Variants in EPM2A observed in about 807,000 individuals in gnomAD.
EPM2A encodes the protein laforin.
EPM2A carries 21 observed loss-of-function variants against 26.5 expected under a neutral mutation model. The observed-to-expected ratio is 0.79, with a 90% CI of 0.56 to 1.14. The LOEUF (loss-of-function observed/expected upper bound fraction) is 1.14, where lower values mean the gene tolerates loss of function less well. Ranked by LOEUF, EPM2A falls within the 50% of genes most tolerant of loss-of-function variation. The pLI is 0.00. For missense variants in EPM2A, 458 were observed against 440.8 expected (o/e 1.04, Z -0.35); for synonymous variants, 217 against 177.6 (o/e 1.22, Z -1.76).
At chr6:145,667,394 G>A (rs1248537746) in intron 2 of EPM2A, among the ~76,000 whole-genome samples, 1 of 146,058 alleles carries the variant, frequency 6.8e-6, no homozygotes, top group Admixed American at 6.7e-5. Context: ...TATTTATGCA[G>A]CCAAAAAACA....
intron 2 of EPM2A, among the ~76,000 whole-genome samples, chr6:145,513,357 C>G (rs1340949821): frequency 2.0e-5 from 3 of 151,976 alleles, no homozygotes; most frequent in Non-Finnish European, 4.4e-5. Flanking sequence ...ACCAAGATAC[C>G]ATGTTACATC....
At chr6:145,535,617 AAT>A (rs1221181164) in intron 2 of EPM2A, among the ~76,000 whole-genome samples, 29 of 152,210 alleles carry the variant, frequency 1.9e-4, no homozygotes, top group African/African-American at 6.3e-4. Flanking sequence ...CAGAGCCAAT[AAT>A]AAGCAAATAA....
chr6:145,645,330 CA>C (rs1777380213), intron 2 of EPM2A, among the ~76,000 whole-genome samples: 1 of 152,206 alleles, frequency 6.6e-6, no homozygotes, highest in African/African-American at 2.4e-5. Context: ...TGTTATGAGA[CA>C]GGGGTCCCTT....
chr6:145,733,083 C>T (rs1432398404), intron 1 of EPM2A, among the ~76,000 whole-genome samples: 1 of 152,066 alleles, frequency 6.6e-6, no homozygotes, highest in African/African-American at 2.4e-5. Flanking sequence ...AACAAGAAGG[C>T]ACTGTAACAA....
At chr6:145,545,651 C>T (rs1367774235) in intron 2 of EPM2A, among the ~76,000 whole-genome samples, 2 of 152,108 alleles carry the variant, frequency 1.3e-5, no homozygotes, top group Admixed American at 6.5e-5. Flanking sequence ...CTCCTCTCCC[C>T]ATCCACCTTA....
chr6:145,526,164 GC>G (rs1425491577), intron 2 of EPM2A, among the ~76,000 whole-genome samples: 7 of 152,012 alleles, frequency 4.6e-5, no homozygotes, highest in African/African-American at 7.2e-5. Context: ...TATTGAATTA[GC>G]TTTTTGATGT....
intron 4 of EPM2A, among the ~76,000 whole-genome samples, chr6:145,486,898 G>T (rs1779685114): frequency 6.6e-6 from 1 of 151,982 alleles, no homozygotes; most frequent in South Asian, 2.1e-4. Flanking sequence ...TGTTATATAG[G>T]TAAACATGTG....
intron 4 of EPM2A, among the ~76,000 whole-genome samples, chr6:145,428,074 A>G (rs182322014): frequency 2.4e-3 from 278 of 115,072 alleles, no homozygotes; most frequent in African/African-American, 9.4e-3. Flanking sequence ...TTGTGTTGAT[A>G]GTTTTTTTTT....
intron 2 of EPM2A, among the ~76,000 whole-genome samples, chr6:145,597,472 TTTTTC>T (rs898810369): frequency 1.3e-4 from 18 of 142,836 alleles, no homozygotes; most frequent in African/African-American, 4.7e-4. Context: ...TGTTTATTTT[TTTTTC>T]TTTTTTTTGG....
At position 145,735,408 on chromosome 6, in the gene EPM2A, G is replaced by C; in HGVS notation, c.91C>G (p.Arg31Gly). 8.1e-7 allele frequency: 1 copy of C among 1,240,990 alleles called. No individual in the cohort carries two copies. The highest frequency in any genetic ancestry group is 2.8e-5 in the South Asian group (1 of 36,016). 76.9% of individuals were successfully genotyped at this position (1,240,990 alleles called of 1,614,324 possible). Reference sequence around the variant, plus strand: ...CGGACGGCACCGCGCGGCTCCCAACGCCCCAGCTCGGGCCGCGACCCCACC... The same window carrying C: ...CGGACGGCACCGCGCGGCTCCCAACCCCCCAGCTCGGGCCGCGACCCCACC... Reference protein sequence around the residue: ...LVVGSRPELGRWEPRGAVRLR... With the variant: ...LVVGSRPELGGWEPRGAVRLR... Residue 31 changes from arginine (R) to glycine (G), a missense_variant, in exon 1 of 4, where the codon CGT (arginine) becomes GGT (glycine). Transcript: ENST00000367519.
chr6:145,426,612 A>AT (rs1329760931), intron 4 of EPM2A, among the ~76,000 whole-genome samples: 1 of 152,146 alleles, frequency 6.6e-6, no homozygotes, highest in Admixed American at 6.5e-5. Context: ...GTATACAGAG[A>AT]TTTTTCTTGT....
intron 1 of EPM2A, among the ~76,000 whole-genome samples, chr6:145,704,657 T>C (rs890980286): frequency 6.6e-6 from 1 of 152,128 alleles, no homozygotes; most frequent in East Asian, 1.9e-4. Context: ...GTTCACACCA[T>C]ATAACCCCTC....
intron 1 of EPM2A, among the ~76,000 whole-genome samples, chr6:145,718,672 G>A (rs997011247): frequency 6.6e-6 from 1 of 152,158 alleles, no homozygotes; most frequent in African/African-American, 2.4e-5. Context: ...TACCATCAGA[G>A]TGAAACAGGC....
At chr6:145,615,560 TG>T (rs1315385394) in intron 2 of EPM2A, among the ~76,000 whole-genome samples, 2 of 152,034 alleles carry the variant, frequency 1.3e-5, no homozygotes, top group African/African-American at 2.4e-5. Context: ...ACTTTGGATC[TG>T]GGTAACAGGC....
chr6:145,576,814 A>G (rs73566737), intron 2 of EPM2A, among the ~76,000 whole-genome samples: 2,405 of 152,168 alleles, frequency 0.016, 59 homozygotes, highest in African/African-American at 0.054. Flanking sequence ...CAAACCTACA[A>G]CAATTTGTTC....
intron 4 of EPM2A, among the ~76,000 whole-genome samples, chr6:145,494,014 C>A (rs975408435): frequency 1.3e-5 from 2 of 152,184 alleles, no homozygotes; most frequent in African/African-American, 4.8e-5. Context: ...AGTTAGGGAG[C>A]AGTCCCTCTT....
At position 145,735,354 on chromosome 6, in the gene EPM2A, C is replaced by T. The variant is rs1367012950; in HGVS notation, c.145G>A (p.Asp49Asn). 6.9e-6 allele frequency: 9 copies of T among 1,301,844 alleles called. No homozygotes were observed. In the East Asian group the frequency reaches 1.8e-4, roughly 26 times the overall value. 80.6% of individuals were successfully genotyped at this position (1,301,844 alleles called of 1,614,324 possible). Residue 49 changes from aspartate (D) to asparagine (N), a missense_variant, in exon 1 of 4, where the codon GAC becomes AAC. Asp to Asn is a conservative substitution (Grantham distance 23). Transcript: ENST00000367519. ...RLRPAGTAAG[D>N]GALALQEPGL... The stretch of plus-strand genomic sequence containing the variant: ...GGCTCCTGCAGGGCCAGGGCCCCGT[C>T]GCCCGCCGCGGTGCCGGCCGGCCTC...
intron 1 of EPM2A, among the ~76,000 whole-genome samples, chr6:145,712,738 T>C (rs1775407502): frequency 6.6e-6 from 1 of 152,182 alleles, no homozygotes; most frequent in Non-Finnish European, 1.5e-5. Flanking sequence ...AGAGTTTTTC[T>C]CCACCATGAC....
intron 4 of EPM2A, among the ~76,000 whole-genome samples, chr6:145,480,321 G>A (rs1010144765): frequency 6.6e-6 from 1 of 151,966 alleles, no homozygotes; most frequent in African/African-American, 2.4e-5. Flanking sequence ...GAGAGGGAAG[G>A]GGGAAGTGCT....
Sources: allele counts gnomAD v4.1 joint callset (sites outside exome capture counted in the v4.1 genomes callset), GRCh38; gene constraint gnomAD v4.1.1; transcripts MANE v1.5; gene names NCBI Gene and HGNC (gene_info 2026-07-23, HGNC 2026-07-21).